CNTN5: variants seen among roughly 807,000 people sequenced by gnomAD.
CNTN5 encodes the protein contactin 5.
CNTN5 carries 77 observed loss-of-function variants against 129.1 expected under a neutral mutation model. The ratio of observed to expected loss-of-function variants is 0.60; its 90% CI spans 0.50 to 0.72. CNTN5 has a LOEUF of 0.72. CNTN5 is among the 30% of genes least tolerant of loss of function. The pLI, the probability that CNTN5 is intolerant of heterozygous loss-of-function variation, is 0.00. For missense variants in CNTN5, 1,478 were observed against 1,328.8 expected, an observed-to-expected ratio of 1.11 and a Z score of -1.75; for synonymous variants, 509 against 465.6, an observed-to-expected ratio of 1.09 and a Z score of -1.20.
At chr11:99,791,919 T>C (rs1377266514) in intron 3 of CNTN5, among the ~76,000 whole-genome samples, 1 of 152,172 alleles carries the variant, frequency 6.6e-6, no homozygotes, top group Non-Finnish European at 1.5e-5. Flanking sequence ...ATCTTGTTGA[T>C]GTATAGGAAT....
intron 3 of CNTN5, among the ~76,000 whole-genome samples, chr11:99,804,689 A>C (rs1946216402): frequency 6.6e-6 from 1 of 151,500 alleles, no homozygotes; most frequent in South Asian, 2.1e-4. Flanking sequence ...CTTAATATGG[A>C]AGGAATAGAA....
intron 3 of CNTN5, among the ~76,000 whole-genome samples, chr11:99,598,327 T>C (rs1950197050): frequency 4.3e-5 from 1 of 23,518 alleles, no homozygotes; most frequent in African/African-American, 2.0e-4. Context: ...TTCTTTTCTG[T>C]CCCTCTCTCT....
chr11:99,492,900 G>T (rs1946090293), intron 2 of CNTN5, among the ~76,000 whole-genome samples: 1 of 152,158 alleles, frequency 6.6e-6, no homozygotes, highest in South Asian at 2.1e-4. Context: ...ATTCTTCTTG[G>T]CATCTTTATG....
chr11:100,195,217 G>A (rs1277490965), intron 15 of CNTN5, among the ~76,000 whole-genome samples: 6 of 151,838 alleles, frequency 4.0e-5, no homozygotes, highest in African/African-American at 1.2e-4. Flanking sequence ...AGGATTGTCT[G>A]CAAACATCCC....
At chr11:99,316,152 A>C (rs550600644) in intron 1 of CNTN5, among the ~76,000 whole-genome samples, 1 of 152,110 alleles carries the variant, frequency 6.6e-6, no homozygotes, top group Non-Finnish European at 1.5e-5. Flanking sequence ...GATTTGCTCC[A>C]AGGCCAAGGG....
At chr11:99,774,596 C>T (rs1945058142) in intron 3 of CNTN5, among the ~76,000 whole-genome samples, 1 of 151,964 alleles carries the variant, frequency 6.6e-6, no homozygotes, top group African/African-American at 2.4e-5. Context: ...CAACTGTCTT[C>T]CAAGGGCCTG....
intron 3 of CNTN5, among the ~76,000 whole-genome samples, chr11:99,570,872 C>T (rs1045946918): frequency 1.8e-4 from 27 of 152,150 alleles, no homozygotes; most frequent in African/African-American, 2.7e-4. Flanking sequence ...TAAGGAAAAA[C>T]GCAATGAACA....
At chr11:99,613,321 G>C (rs965851549) in intron 3 of CNTN5, among the ~76,000 whole-genome samples, 4 of 152,170 alleles carry the variant, frequency 2.6e-5, no homozygotes, top group Admixed American at 6.5e-5. Context: ...GCTCTTCCCG[G>C]CTTCGCTGGG....
At chr11:99,195,654 T>G (rs1207945935) in intron 1 of CNTN5, among the ~76,000 whole-genome samples, 2 of 151,996 alleles carry the variant, frequency 1.3e-5, no homozygotes, top group African/African-American at 4.8e-5. Flanking sequence ...TTTTAATTTG[T>G]TTTTGGACTT....
intron 2 of CNTN5, among the ~76,000 whole-genome samples, chr11:99,360,961 GA>G (rs1939068651): frequency 6.6e-6 from 1 of 152,090 alleles, no homozygotes; most frequent in East Asian, 1.9e-4. Context: ...ATTTTGCTTA[GA>G]TTTTTTTTGG....
chr11:100,333,408 G>GAAAAAAAAA (rs547220238), intron 21 of CNTN5, among the ~76,000 whole-genome samples: 9 of 74,282 alleles, frequency 1.2e-4, no homozygotes, highest in South Asian at 6.1e-4. Context: ...CACTGAATTA[G>GAAAAAAAAA]AAAAAAAAAA....
chr11:99,829,585 G>A (rs1947072618), intron 4 of CNTN5, among the ~76,000 whole-genome samples: 2 of 152,272 alleles, frequency 1.3e-5, no homozygotes, highest in African/African-American at 4.8e-5. Flanking sequence ...AAAGTCCTCA[G>A]TATCTACTCT....
intron 1 of CNTN5, among the ~76,000 whole-genome samples, chr11:99,265,348 T>C (rs1417905331): frequency 6.6e-6 from 1 of 152,038 alleles, no homozygotes; most frequent in African/African-American, 2.4e-5. Flanking sequence ...TTTATCATTG[T>C]TATCATTGCT....
chr11:99,041,215 G>C (rs1230653998), intron 1 of CNTN5, among the ~76,000 whole-genome samples: 2 of 151,962 alleles, frequency 1.3e-5, no homozygotes, highest in African/African-American at 4.8e-5. Flanking sequence ...ATTTATTTGT[G>C]CAAACACTTT....
At chr11:100,320,295 G>C (rs1951663558) in intron 21 of CNTN5, among the ~76,000 whole-genome samples, 2 of 152,132 alleles carry the variant, frequency 1.3e-5, no homozygotes, top group Admixed American at 1.3e-4. Context: ...CTGATGATTA[G>C]TGAGATTGAG....
chr11:99,033,735 C>G (rs1474696797), intron 1 of CNTN5, among the ~76,000 whole-genome samples: 1 of 149,504 alleles, frequency 6.7e-6, no homozygotes. Context: ...TTGACTTCCT[C>G]TTTTCCTAAT....
intron 1 of CNTN5, among the ~76,000 whole-genome samples, chr11:99,082,188 CTT>C (rs747509458): frequency 2.0e-4 from 26 of 132,738 alleles, no homozygotes; most frequent in Non-Finnish European, 2.9e-4. Context: ...TCTCCAAAAG[CTT>C]TTTTTTTTTT....
intron 16 of CNTN5, among the ~76,000 whole-genome samples, chr11:100,232,893 C>T (rs2138654459): frequency 6.6e-6 from 1 of 152,278 alleles, no homozygotes; most frequent in South Asian, 2.1e-4. Context: ...ATGTCGGGCA[C>T]TGCACTAAAG....
intron 2 of CNTN5, among the ~76,000 whole-genome samples, chr11:99,491,555 G>C (rs1946037552): frequency 1.3e-5 from 2 of 152,118 alleles, no homozygotes; most frequent in Admixed American, 6.5e-5. Flanking sequence ...GACCAATCCT[G>C]TTTCTACCCA....
Sources: allele counts gnomAD v4.1 joint callset (sites outside exome capture counted in the v4.1 genomes callset), GRCh38; gene constraint gnomAD v4.1.1; transcripts MANE v1.5; gene names NCBI Gene and HGNC (gene_info 2026-07-23, HGNC 2026-07-21).